Variants in NAV1 observed in about 807,000 individuals in gnomAD.
NAV1 encodes pore membrane and/or filament interacting like protein 3.
A neutral mutation model predicts 175.2 loss-of-function variants in NAV1; 18 were observed. The observed-to-expected ratio is 0.10, with a 90% CI of 0.07 to 0.15. The LOEUF is 0.15. NAV1 is among the 10% of genes least tolerant of loss of function. The pLI, the probability that NAV1 is intolerant of heterozygous loss-of-function variation, is 1.00. For missense variants in NAV1, 1,731 were observed against 2,436.6 expected, an observed-to-expected ratio of 0.71 and a Z score of 6.10; for synonymous variants, 897 against 978.7, an observed-to-expected ratio of 0.92 and a Z score of 1.56.
chr1:201,651,481 T>C (rs1184919442), intron 1 of NAV1, among the ~76,000 whole-genome samples: 1 of 152,122 alleles, frequency 6.6e-6, no homozygotes, highest in East Asian at 1.9e-4. Context: ...TTATTCCTGC[T>C]TAGCAGTTGT....
intron 2 of NAV1, among the ~76,000 whole-genome samples, chr1:201,598,341 T>C (rs1044037313): frequency 2.6e-5 from 4 of 152,050 alleles, no homozygotes; most frequent in African/African-American, 9.7e-5. Flanking sequence ...GTCTGGGAAA[T>C]AGGGAGGAAT....
chr1:201,598,372 AG>A (rs1667415640), intron 2 of NAV1, among the ~76,000 whole-genome samples: 1 of 152,246 alleles, frequency 6.6e-6, no homozygotes, highest in African/African-American at 2.4e-5. Flanking sequence ...AGGATCTTAG[AG>A]GACCCCCAAG....
chr1:201,753,195 C>T (rs1344071444), intron 3 of NAV1, among the ~76,000 whole-genome samples: 3 of 152,094 alleles, frequency 2.0e-5, no homozygotes, highest in Non-Finnish European at 2.9e-5. Context: ...AAAACTATCA[C>T]GTAAATGCTT....
intron 3 of NAV1, among the ~76,000 whole-genome samples, chr1:201,757,170 A>C (rs74710781): frequency 0.013 from 1,911 of 152,262 alleles, 37 homozygotes; most frequent in African/African-American, 0.043. Flanking sequence ...CATGTGGTAC[A>C]TGCCATTGAA....
At chr1:201,659,160 T>C (rs1558044111) in intron 1 of NAV1, among the ~76,000 whole-genome samples, 3 of 152,266 alleles carry the variant, frequency 2.0e-5, no homozygotes, top group East Asian at 3.9e-4. Flanking sequence ...TTAAACCAAT[T>C]TGGGACTAGA....
intron 3 of NAV1, among the ~76,000 whole-genome samples, chr1:201,751,048 C>T (rs1033626475): frequency 6.6e-6 from 1 of 152,200 alleles, no homozygotes; most frequent in Non-Finnish European, 1.5e-5. Flanking sequence ...CATAAAGCCT[C>T]AGAACAGGAA....
chr1:201,647,874 T>G (rs1187039168), upstream of NAV1, among the ~76,000 whole-genome samples: 1 of 151,960 alleles, frequency 6.6e-6, no homozygotes, highest in East Asian at 1.9e-4. Context: ...CTCTTTTACC[T>G]GCACCTCCAC....
chr1:201,671,179 C>G (rs552927418), intron 1 of NAV1, among the ~76,000 whole-genome samples: 5 of 152,284 alleles, frequency 3.3e-5, no homozygotes, highest in Non-Finnish European at 5.9e-5. Context: ...CTGTGGAGTT[C>G]TAGAAGAAGG....
At chr1:201,745,545 G>T (rs1673715095) in intron 3 of NAV1, among the ~76,000 whole-genome samples, 1 of 152,142 alleles carries the variant, frequency 6.6e-6, no homozygotes, top group Non-Finnish European at 1.5e-5. Flanking sequence ...TATTTACTCT[G>T]CCAGTTAGCC....
At chr1:201,716,634 T>C (rs888921940) in intron 2 of NAV1, among the ~76,000 whole-genome samples, 1 of 152,052 alleles carries the variant, frequency 6.6e-6, no homozygotes, top group African/African-American at 2.4e-5. Flanking sequence ...ACCCCAGCAC[T>C]GTGGGAGGCC....
chr1:201,666,915 C>G (rs560056025), intron 1 of NAV1, among the ~76,000 whole-genome samples: 3 of 151,994 alleles, frequency 2.0e-5, no homozygotes, highest in Non-Finnish European at 4.4e-5. Context: ...TTTCTCTCAA[C>G]GGAATTAAAA....
intron 2 of NAV1, among the ~76,000 whole-genome samples, chr1:201,630,610 G>T (rs890009691): frequency 1.3e-5 from 2 of 152,206 alleles, no homozygotes; most frequent in East Asian, 3.8e-4. Context: ...TAAAAACAGA[G>T]CAGCAACACT....
chr1:201,807,222 C>T lies in NAV1; in HGVS notation c.3649-731C>T, dbSNP rs2102803380. Among the ~76,000 whole-genome samples the T allele has an allele frequency of 6.6e-6, 1 of 152,270 alleles. No homozygotes were observed. Among genetic ancestry groups the T allele is most frequent in the East Asian group, 1.9e-4 (1 of 5,178 alleles). ...ATGCCCCAAGTACTCTAAAGAAATG[C>T]TGGGAAATAGCCCTTCTTCTAGGAC... On this transcript the variant is annotated intron_variant, in intron 17 of 29. Transcript: ENST00000367296. This position sits in a 1 kb window ranked among gnomAD's most constrained non-coding sequence, Gnocchi z 5.4.
At chr1:201,811,315 G>A (rs1041484576) in intron 24 of NAV1, among the ~76,000 whole-genome samples, 2 of 152,138 alleles carry the variant, frequency 1.3e-5, no homozygotes, top group African/African-American at 2.4e-5. Flanking sequence ...CCAGCTCGGG[G>A]AGGCATGCCC....
At chr1:201,676,599 T>A (rs1007260920) in intron 1 of NAV1, among the ~76,000 whole-genome samples, 1 of 151,820 alleles carries the variant, frequency 6.6e-6, no homozygotes, top group African/African-American at 2.4e-5. Context: ...CAGGCTGGGG[T>A]TCCCGGTAGC....
At chr1:201,686,164 G>C (rs370361797) in intron 1 of NAV1, among the ~76,000 whole-genome samples, 1 of 152,004 alleles carries the variant, frequency 6.6e-6, no homozygotes, top group Non-Finnish European at 1.5e-5. Flanking sequence ...GAGTCATGTT[G>C]GTCCTCAGAG....
intron 2 of NAV1, among the ~76,000 whole-genome samples, chr1:201,592,430 C>T (rs1384382868): frequency 6.6e-6 from 1 of 152,180 alleles, no homozygotes; most frequent in Non-Finnish European, 1.5e-5. Context: ...GTTGAAGAAA[C>T]AGATTCAGAG....
At chr1:201,616,657 T>C (rs1668009982) in intron 2 of NAV1, among the ~76,000 whole-genome samples, 1 of 152,166 alleles carries the variant, frequency 6.6e-6, no homozygotes, top group African/African-American at 2.4e-5. Context: ...CCAGCTAATT[T>C]TGTATTTTCA....
At chr1:201,566,204 G>A (rs906527953) in intron 1 of NAV1, among the ~76,000 whole-genome samples, 2 of 152,028 alleles carry the variant, frequency 1.3e-5, no homozygotes, top group African/African-American at 2.4e-5. Context: ...CACTTCTCCT[G>A]GGCATTTCTC....
Sources: allele counts gnomAD v4.1 joint callset (sites outside exome capture counted in the v4.1 genomes callset), GRCh38; gene constraint gnomAD v4.1.1; non-coding constraint Gnocchi (gnomAD v3.1); transcripts MANE v1.5; gene names NCBI Gene and HGNC (gene_info 2026-07-23, HGNC 2026-07-21).